Variants in ITPKC observed in about 807,000 individuals in gnomAD.
ITPKC encodes the protein inositol-trisphosphate 3-kinase C.
In ITPKC, 33 loss-of-function variants were observed where a neutral mutation model predicts 67.1. The observed-to-expected ratio is 0.49, with a 90% CI of 0.37 to 0.66. The LOEUF (loss-of-function observed/expected upper bound fraction) is 0.66, where lower values mean the gene tolerates loss of function less well. ITPKC is among the 30% of genes least tolerant of loss of function. The pLI, the probability that ITPKC is intolerant of heterozygous loss-of-function variation, is 0.00. For synonymous variants in ITPKC, 341 were observed against 359.8 expected (o/e 0.95, Z 0.59); for missense variants, 820 against 892.1 (o/e 0.92, Z 1.03).
chr19:40,725,221 A>G (rs2082241000), intron 1 of ITPKC, 119 bp from the exon 2 acceptor site: 1 of 659,860 alleles, frequency 1.5e-6, no homozygotes, highest in African/African-American at 1.8e-5. Context: ...CAGTGATCCC[A>G]GGAAGCCCCT....
At position 40,735,584 on chromosome 19, in the gene ITPKC, G is replaced by T. The variant is rs111795329; in HGVS notation, c.1675-1402G>T. Reference sequence around the variant, plus strand: ...TTTCAAATTTTGCTTCCTCAGGGAAGCCCTCCCTGATTTCTGTTCTACTGA... The same window carrying T: ...TTTCAAATTTTGCTTCCTCAGGGAATCCCTCCCTGATTTCTGTTCTACTGA... On this transcript the variant is annotated intron_variant, in intron 4 of 6. Transcript: ENST00000263370. Among the ~76,000 whole-genome samples the T allele has an allele frequency of 3.4e-3, 519 of 152,150 alleles. 4 individuals carry two copies. The highest frequency in any genetic ancestry group is 0.012 in the African/African-American group (497 of 41,518).
intron 3 of ITPKC, among the ~76,000 whole-genome samples, chr19:40,729,771 AAAAAG>A (rs71173674): frequency 0.16 from 22,918 of 146,006 alleles, 1,917 homozygotes; most frequent in Middle Eastern, 0.21. Flanking sequence ...CTGTCTCAAA[AAAAAG>A]AAAAGAAAAG....
intron 1 of ITPKC, among the ~76,000 whole-genome samples, chr19:40,722,504 G>A (rs1443847662): frequency 6.6e-6 from 1 of 151,372 alleles, no homozygotes; most frequent in Non-Finnish European, 1.5e-5. Context: ...AGAGATGTCT[G>A]TGAGGTAGCT....
At chr19:40,737,551 T>G (rs2082300369) in intron 5 of ITPKC, 147 bp from the exon 6 acceptor site, 13 of 705,436 alleles carry the variant, frequency 1.8e-5, no homozygotes, top group Non-Finnish European at 3.1e-5. Context: ...CCCTCACTCC[T>G]CTGCCCTGTC....
chr19:40,733,095 C>T, intron 3 of ITPKC, 65 bp from the exon 4 acceptor site: 1 of 1,410,978 alleles, frequency 7.1e-7, no homozygotes, highest in South Asian at 1.2e-5. Flanking sequence ...GTCTTAATAT[C>T]AGGAAGGGTA....
intron 4 of ITPKC, among the ~76,000 whole-genome samples, chr19:40,735,625 C>T (rs957354240): frequency 2.6e-5 from 4 of 152,120 alleles, no homozygotes; most frequent in African/African-American, 9.7e-5. Flanking sequence ...GTCCCCTCTT[C>T]ACCTCCTCAT....
chr19:40,730,337 A>G (rs1385527465), intron 3 of ITPKC, among the ~76,000 whole-genome samples: 1 of 152,038 alleles, frequency 6.6e-6, no homozygotes, highest in African/African-American at 2.4e-5. Flanking sequence ...ACACACAGAC[A>G]CACACACACA....
intron 1 of ITPKC, 97 bp downstream of exon 1, chr19:40,718,387 G>C: frequency 7.0e-7 from 1 of 1,420,352 alleles, no homozygotes; most frequent in South Asian, 1.6e-5. Context: ...ACTGTTAGTT[G>C]CCCACCAGCA....
chr19:40,717,399 A>G lies in ITPKC; in HGVS notation c.264A>G (p.Glu88=). ...CGGGGACAGAGAGTCCGCAGGCAGA[A>G]TTCTGGACAGACGGACAGACTGAGC... ...PAPGTESPQA[E]FWTDGQTEPA... Residue 88 remains glutamate, a synonymous_variant, in exon 1 of 7, where the codon GAA becomes GAG. Coordinates refer to ENST00000263370, the MANE Select transcript of ITPKC (RefSeq NM_025194.3). The G allele has an allele frequency of 3.1e-6, 5 of 1,613,548 alleles. No individual in the cohort carries two copies. Among genetic ancestry groups the G allele is most frequent in the Non-Finnish European group, 4.2e-6 (5 of 1,179,932 alleles).
chr19:40,732,313 G>A (rs942874444), intron 3 of ITPKC, among the ~76,000 whole-genome samples: 8 of 149,894 alleles, frequency 5.3e-5, no homozygotes, highest in African/African-American at 1.5e-4. Flanking sequence ...GGCCGATCAC[G>A]AGGTCAGGAG....
At chr19:40,718,362 G>A (rs894474234) in intron 1 of ITPKC, 72 bp downstream of exon 1, 100 of 1,471,774 alleles carry the variant, frequency 6.8e-5, no homozygotes, top group Middle Eastern at 2.5e-4. Flanking sequence ...TGCTTAGGAA[G>A]TTCTCTACCC....
chr19:40,736,829 A>ATTTT (rs33978293), intron 4 of ITPKC, among the ~76,000 whole-genome samples, 157 bp from the exon 5 acceptor site: 1 of 147,200 alleles, frequency 6.8e-6, no homozygotes, highest in Non-Finnish European at 1.5e-5. Context: ...CCACACCAGA[A>ATTTT]TTTTTTTTTT....
At position 40,727,862 on chromosome 19, in the gene ITPKC, G is replaced by A. The variant is rs374875016; in HGVS notation, c.1256-1340G>A. On this transcript the variant is annotated intron_variant, in intron 2 of 6. Transcript: ENST00000263370. Reference sequence around the variant, plus strand: ...GATAGGATCTCAGTGTTGCCCAGGCGGGAGTGCAGTGGTGCAGTCATAGCT... The same window carrying A: ...GATAGGATCTCAGTGTTGCCCAGGCAGGAGTGCAGTGGTGCAGTCATAGCT... Among the ~76,000 whole-genome samples, 27 of 152,196 alleles carry A rather than the reference G, an allele frequency of 1.8e-4. No individual in the cohort carries two copies. In the East Asian group the frequency reaches 3.1e-3, roughly 17 times the overall value.
chr19:40,723,684 G>C (rs2082233322), intron 1 of ITPKC, among the ~76,000 whole-genome samples: 1 of 151,530 alleles, frequency 6.6e-6, no homozygotes, highest in Admixed American at 6.6e-5. Flanking sequence ...TTTAGTAGAG[G>C]TGGGGTTTCA....
intron 1 of ITPKC, among the ~76,000 whole-genome samples, chr19:40,725,132 C>A (rs1801445949): frequency 6.6e-6 from 1 of 151,954 alleles, no homozygotes; most frequent in African/African-American, 2.4e-5. Context: ...AAAGAATTTC[C>A]CCTATCTTGC....
Position 40,725,446 on chromosome 19 carries a change from G to T in ITPKC, c.1255+7G>T, listed in dbSNP as rs547215539. The T allele has an allele frequency of 6.3e-7, 1 of 1,586,386 alleles. No homozygotes were observed. Among genetic ancestry groups the T allele is most frequent in the East Asian group, 2.2e-5 (1 of 44,758 alleles). ...CAGCTTTCTGGACATGCTGGTAAGT[G>T]GGGTGGTGGTGGACAGAGCTGGGCA... On this transcript the variant is annotated splice_region_variant and intron_variant, in intron 2 of 6. Coordinates refer to ENST00000263370, the MANE Select transcript of ITPKC (RefSeq NM_025194.3).
chr19:40,718,171 C>T lies in ITPKC; in HGVS notation c.1036C>T (p.Pro346Ser), dbSNP rs571714443. The T allele has an allele frequency of 1.3e-4, 212 of 1,591,236 alleles. No individual in the cohort carries two copies. Among genetic ancestry groups the T allele is most frequent in the Non-Finnish European group, 1.8e-4 (211 of 1,169,112 alleles). Residue 346 changes from proline (P) to serine (S), a missense_variant, in exon 1 of 7, where the codon CCC becomes TCC. Pro to Ser is a moderately conservative substitution (Grantham distance 74). Around this residue, in one of 2 missense-constraint regions of ITPKC, gnomAD observed 481 missense variants for 470.1 expected, o/e 1.02. Coordinates refer to ENST00000263370, the MANE Select transcript of ITPKC (RefSeq NM_025194.3). ...TPEPEAQPVG[P>S]PSRVEGGSGG... ...TGAGCCTGAGGCCCAGCCAGTGGGA[C>T]CCCCCTCCCGGGTTGAGGGGGGCAG...
In ITPKC at chr19:40,717,159, G is replaced by A. The variant is rs2082192750; in HGVS notation, c.24G>A (p.Gly8=). Residue 8 remains glycine (G), a synonymous_variant, in exon 1 of 7, where the codon GGG becomes GGA. Transcript: ENST00000263370. The stretch of plus-strand genomic sequence containing the variant: ...GCATGAGGCGCTGCCCGTGCCGTGG[G>A]AGCCTGAACGAGGCGGAGGCCGGGG... MRRCPCR[G]SLNEAEAGAL... is the part of the protein sequence containing the mutation. 8.1e-7 allele frequency: 1 copy of A among 1,227,270 alleles called. No individual in the cohort carries two copies. The highest frequency in any genetic ancestry group is 1.0e-6 in the Non-Finnish European group (1 of 985,280). 76.0% of individuals were successfully genotyped at this position (1,227,270 alleles called of 1,614,324 possible).
intron 2 of ITPKC, among the ~76,000 whole-genome samples, chr19:40,725,932 C>T (rs978307137): frequency 2.6e-5 from 4 of 151,450 alleles, no homozygotes; most frequent in East Asian, 1.9e-4. Context: ...AGTGAGACCC[C>T]GTTTCAATTA....
Sources: gnomAD v4.1 joint callset for allele counts (sites outside exome capture counted in the v4.1 genomes callset) on GRCh38, gnomAD v4.1.1 for gene constraint, gnomAD v4.1.1 regional missense constraint, MANE v1.5 for transcripts, NCBI Gene and HGNC (gene_info 2026-07-23, HGNC 2026-07-21) for gene names.